MME: variants seen among roughly 807,000 people sequenced by gnomAD.
The protein encoded by MME is neprilysin.
A neutral mutation model predicts 113.2 loss-of-function variants in MME; 98 were observed. That is an observed-to-expected ratio of 0.87 (90% confidence interval 0.74 to 1.02). The LOEUF (loss-of-function observed/expected upper bound fraction) is 1.02, where lower values mean the gene tolerates loss of function less well. Ranked by LOEUF, MME falls within the 50% of genes least tolerant of loss-of-function variation. The pLI is 0.00. For synonymous variants in MME, 292 were observed against 300.6 expected, an observed-to-expected ratio of 0.97 and a Z score of 0.30; for missense variants, 836 against 896.0, an observed-to-expected ratio of 0.93 and a Z score of 0.86.
At chr3:155,175,363 C>T (rs1360486593) in intron 22 of MME, among the ~76,000 whole-genome samples, 2 of 151,964 alleles carry the variant, frequency 1.3e-5, no homozygotes, top group East Asian at 3.9e-4. Flanking sequence ...GCTCAGAAAA[C>T]ATTTTGTTAA....
chr3:155,032,138 G>T (rs962615876), intron 1 of MME, among the ~76,000 whole-genome samples: 1 of 152,140 alleles, frequency 6.6e-6, no homozygotes, highest in African/African-American at 2.4e-5. Context: ...TTTAAAGATA[G>T]ATCTCTCCTT....
chr3:155,066,994 G>C (rs2108141176), intron 1 of MME, among the ~76,000 whole-genome samples: 1 of 152,066 alleles, frequency 6.6e-6, no homozygotes, highest in East Asian at 1.9e-4. Flanking sequence ...AGAACGCATA[G>C]CATGTTTTAG....
chr3:155,084,474 T>C, intron 2 of MME, 147 bp downstream of exon 2: 1 of 795,066 alleles, frequency 1.3e-6, no homozygotes, highest in Non-Finnish European at 2.1e-6. Context: ...GTAACATCAA[T>C]ATGTCAAAAT....
chr3:155,141,855 TA>T, intron 10 of MME, 135 bp from the exon 11 acceptor site: 1 of 957,918 alleles, frequency 1.0e-6, no homozygotes, highest in Non-Finnish European at 1.6e-6. Flanking sequence ...AGTTTTTATT[TA>T]AAAACTGATT....
At chr3:155,135,022 G>C (rs985345285) in intron 8 of MME, among the ~76,000 whole-genome samples, 1 of 152,074 alleles carries the variant, frequency 6.6e-6, no homozygotes, top group Non-Finnish European at 1.5e-5. Flanking sequence ...GTTTCTTGTA[G>C]ATTCTGGATA....
intron 3 of MME, among the ~76,000 whole-genome samples, chr3:155,108,809 A>G (rs1035823143): frequency 6.6e-6 from 1 of 152,120 alleles, no homozygotes; most frequent in African/African-American, 2.4e-5. Flanking sequence ...ATGCACATAT[A>G]TAAATATTAA....
chr3:155,143,086 G>A (rs1176176675), intron 12 of MME, among the ~76,000 whole-genome samples: 1 of 152,046 alleles, frequency 6.6e-6, no homozygotes, highest in African/African-American at 2.4e-5. Context: ...AAGCAGTAAT[G>A]TGTTTTCTCA....
chr3:155,149,423 G>A (rs1721757860), intron 16 of MME, among the ~76,000 whole-genome samples: 1 of 152,038 alleles, frequency 6.6e-6, no homozygotes, highest in African/African-American at 2.4e-5. Flanking sequence ...GAGTGAGTGA[G>A]CAAGTGAAAA....
At chr3:155,095,020 G>A (rs1404662968) in intron 3 of MME, among the ~76,000 whole-genome samples, 3 of 152,164 alleles carry the variant, frequency 2.0e-5, no homozygotes, top group Non-Finnish European at 4.4e-5. Context: ...GCCTCTTCAG[G>A]TGATCTGCAA....
At chr3:155,027,702 A>G (rs1712833772) in intron 1 of MME, among the ~76,000 whole-genome samples, 1 of 152,234 alleles carries the variant, frequency 6.6e-6, no homozygotes, top group South Asian at 2.1e-4. Context: ...TTAGCATTTT[A>G]ATAGCATTAA....
At position 155,138,168 on chromosome 3, in the gene MME, C is replaced by A; in HGVS notation, c.787C>A (p.Pro263Thr). 1.2e-6 allele frequency: 2 copies of A among 1,613,370 alleles called. No homozygotes were observed. The highest frequency in any genetic ancestry group is 1.7e-6 in the Non-Finnish European group (2 of 1,179,566). ...ATTGATTCGTCAGGAAGAAAGATTG[C>A]CCATCGATGAAAACCAGCTTGCTTT... ...ARLIRQEERLPIDENQLALEM... is the reference protein window; with the variant it reads ...ARLIRQEERLTIDENQLALEM... The change falls in exon 9 of 23, where the codon CCC (proline) becomes ACC (threonine). Residue 263 changes from proline (P) to threonine (T), a missense_variant. By Grantham distance (38) the Pro-to-Thr change is conservative. Transcript: ENST00000360490.
At chr3:155,093,879 AAAAG>A (rs1391662476) in intron 3 of MME, among the ~76,000 whole-genome samples, 2 of 151,870 alleles carry the variant, frequency 1.3e-5, no homozygotes, top group Admixed American at 6.6e-5. Flanking sequence ...AAGATTGAAA[AAAAG>A]AAAAAAGAAA....
chr3:155,090,098 C>T (rs1035740541), intron 3 of MME: 2 of 210,712 alleles, frequency 9.5e-6, no homozygotes, highest in Non-Finnish European at 2.1e-5. Flanking sequence ...GTGGGACCAC[C>T]TCCACCTGTA....
intron 1 of MME, among the ~76,000 whole-genome samples, chr3:155,038,213 T>C (rs954897113): frequency 6.6e-6 from 1 of 152,130 alleles, no homozygotes; most frequent in Admixed American, 6.5e-5. Context: ...ACTACCAGAC[T>C]CCAAAATGCT....
intron 1 of MME, among the ~76,000 whole-genome samples, chr3:155,070,798 A>T (rs917705153): frequency 1.1e-4 from 17 of 152,104 alleles, no homozygotes; most frequent in African/African-American, 4.1e-4. Context: ...CCTAGTTTTG[A>T]TTATCTGGAA....
At chr3:155,096,516 C>A (rs1243441258) in intron 3 of MME, among the ~76,000 whole-genome samples, 1 of 152,160 alleles carries the variant, frequency 6.6e-6, no homozygotes, top group Non-Finnish European at 1.5e-5. Context: ...AAAGTGAATG[C>A]ACTTCCTTCT....
chr3:155,096,715 G>T (rs1716773674), intron 3 of MME, among the ~76,000 whole-genome samples: 1 of 152,016 alleles, frequency 6.6e-6, no homozygotes, highest in African/African-American at 2.4e-5. Context: ...TGTTGCTGTT[G>T]TTTGTTTGTT....
chr3:155,108,476 A>T (rs1279910386), intron 3 of MME, among the ~76,000 whole-genome samples: 1 of 151,956 alleles, frequency 6.6e-6, no homozygotes, highest in African/African-American at 2.4e-5. Context: ...GGTGCCTGTA[A>T]TCCCAGCTAC....
intron 3 of MME, chr3:155,112,910 T>C (rs2108245579): frequency 6.6e-6 from 1 of 152,286 alleles, no homozygotes; most frequent in East Asian, 1.9e-4. Context: ...AATGGTTAGG[T>C]AGACAGAGTA....
Sources: gnomAD v4.1 joint callset for allele counts (sites outside exome capture counted in the v4.1 genomes callset) on GRCh38, gnomAD v4.1.1 for gene constraint, MANE v1.5 for transcripts, NCBI Gene and HGNC (gene_info 2026-07-23, HGNC 2026-07-21) for gene names.